The following SSH2 variants were observed in gnomAD, a reference collection of about 807,000 sequenced individuals.
SSH2 encodes the protein slingshot protein phosphatase 2.
A neutral mutation model predicts 135.2 loss-of-function variants in SSH2; 37 were observed. The ratio of observed to expected loss-of-function variants is 0.27; its 90% confidence interval spans 0.21 to 0.36. The LOEUF (loss-of-function observed/expected upper bound fraction) is 0.36, where lower values mean the gene tolerates loss of function less well. Ranked by LOEUF, SSH2 falls within the 10% of genes least tolerant of loss-of-function variation. SSH2 has a pLI of 1.00. For missense variants in SSH2, 1,408 were observed against 1,765.3 expected (o/e 0.80, Z 3.63); for synonymous variants, 628 against 646.2 (o/e 0.97, Z 0.43).
In SSH2 at chr17:29,815,123, A is replaced by ATTT. The variant is rs71360722; in HGVS notation, c.145-21189_145-21187dup. On this transcript the variant is annotated intron_variant, in intron 2 of 15. Transcript: ENST00000540801. ...ACCATCACACCTAGCTATTTTTTGT[A>ATTT]TTTTTTTTTTTTTTTTTTTTGAGAC... Among the ~76,000 whole-genome samples the ATTT allele has an allele frequency of 1.8e-3, 172 of 97,992 alleles. 2 individuals carry two copies. The highest frequency in any genetic ancestry group is 6.6e-3 in the African/African-American group (165 of 24,850). The allele number at this position is 97,992 out of a possible 152,430, so 64.3% of individuals were successfully genotyped here. A position where few individuals can be genotyped will look rare whatever the true frequency, so the allele number is the denominator to read the frequency against.
chr17:29,773,386 AT>A (rs1686599211), intron 3 of SSH2, among the ~76,000 whole-genome samples: 1 of 152,162 alleles, frequency 6.6e-6, no homozygotes, highest in African/African-American at 2.4e-5. Flanking sequence ...GTTTAATTAC[AT>A]TTTTTAAAAC....
intron 14 of SSH2, among the ~76,000 whole-genome samples, chr17:29,646,002 A>C (rs922312283): frequency 6.6e-6 from 1 of 152,126 alleles, no homozygotes; most frequent in Admixed American, 6.5e-5. Flanking sequence ...AAATCATAAG[A>C]CTCACTGGAG....
At chr17:29,873,423 G>A (rs985419437) in intron 1 of SSH2, among the ~76,000 whole-genome samples, 7 of 152,104 alleles carry the variant, frequency 4.6e-5, no homozygotes, top group Non-Finnish European at 8.8e-5. Flanking sequence ...GCCGGGCATG[G>A]TGGTGCACGC....
intron 3 of SSH2, among the ~76,000 whole-genome samples, chr17:29,704,980 T>C (rs1440553081): frequency 6.6e-6 from 1 of 152,172 alleles, no homozygotes; most frequent in African/African-American, 2.4e-5. Context: ...GTATTTCCAC[T>C]TGGAAATCTT....
intron 5 of SSH2, among the ~76,000 whole-genome samples, chr17:29,690,968 T>C (rs1361564768): frequency 1.3e-5 from 2 of 151,732 alleles, no homozygotes; most frequent in Non-Finnish European, 2.9e-5. Context: ...ACACACTCTC[T>C]CTCTCATATA....
chr17:29,831,938 T>C (rs1316165284), intron 2 of SSH2, among the ~76,000 whole-genome samples: 2 of 152,194 alleles, frequency 1.3e-5, no homozygotes, highest in East Asian at 3.8e-4. Flanking sequence ...TATTTATTTA[T>C]ATATAGTTTT....
chr17:29,702,373 G>C (rs1307173465), intron 4 of SSH2, among the ~76,000 whole-genome samples: 1 of 151,358 alleles, frequency 6.6e-6, no homozygotes, highest in Non-Finnish European at 1.5e-5. Flanking sequence ...AAACAACCCT[G>C]GCCGGGCGTG....
intron 1 of SSH2, among the ~76,000 whole-genome samples, chr17:29,928,937 AG>A (rs2067121926): frequency 6.6e-6 from 1 of 152,172 alleles, no homozygotes; most frequent in Admixed American, 6.5e-5. Context: ...TGGTTTTCCC[AG>A]TTGCTCGCAT....
intron 3 of SSH2, among the ~76,000 whole-genome samples, chr17:29,715,323 G>C (rs562310012): frequency 1.3e-5 from 2 of 151,098 alleles, no homozygotes; most frequent in Admixed American, 6.6e-5. Context: ...TTGGCTCACT[G>C]CAAGCTCCGC....
intron 2 of SSH2, among the ~76,000 whole-genome samples, chr17:29,836,770 A>G (rs2079505732): frequency 6.6e-6 from 1 of 152,230 alleles, no homozygotes; most frequent in African/African-American, 2.4e-5. Context: ...TTGAGATTAC[A>G]GAAAATATAC....
chr17:29,670,471 C>T (rs1445607963), intron 9 of SSH2, among the ~76,000 whole-genome samples: 2 of 152,180 alleles, frequency 1.3e-5, no homozygotes, highest in Non-Finnish European at 2.9e-5. Context: ...TCCTTTCATA[C>T]AATTTTTGGA....
chr17:29,759,960 A>C (rs1363462140), intron 3 of SSH2, among the ~76,000 whole-genome samples: 1 of 152,212 alleles, frequency 6.6e-6, no homozygotes, highest in Non-Finnish European at 1.5e-5. Context: ...GGAAAATGCA[A>C]GTCAGTTTAT....
At chr17:29,813,107 G>T (rs574448651) in intron 2 of SSH2, among the ~76,000 whole-genome samples, 1 of 152,324 alleles carries the variant, frequency 6.6e-6, no homozygotes, top group South Asian at 2.1e-4. Flanking sequence ...TGGGGGCAGG[G>T]CACGGTGGCT....
At chr17:29,904,314 G>A (rs2151463883) in intron 1 of SSH2, among the ~76,000 whole-genome samples, 1 of 152,258 alleles carries the variant, frequency 6.6e-6, no homozygotes, top group East Asian at 1.9e-4. Flanking sequence ...CGATCAAGCT[G>A]GCCTCATCCC....
chr17:29,862,370 T>G (rs2065779732), intron 1 of SSH2, among the ~76,000 whole-genome samples: 1 of 152,242 alleles, frequency 6.6e-6, no homozygotes, highest in South Asian at 2.1e-4. Flanking sequence ...TCAATAAATG[T>G]TCAATGAATC....
chr17:29,787,473 T>C (rs925756867), intron 3 of SSH2: 1 of 152,190 alleles, frequency 6.6e-6, no homozygotes, highest in Non-Finnish European at 1.5e-5. Flanking sequence ...CTTTCAATTC[T>C]TTTAGGTATC....
At chr17:29,765,735 A>G (rs1048780905) in intron 3 of SSH2, among the ~76,000 whole-genome samples, 2 of 152,148 alleles carry the variant, frequency 1.3e-5, no homozygotes, top group African/African-American at 4.8e-5. Flanking sequence ...TACAGGGACA[A>G]AAGGCTGGGC....
At chr17:29,826,174 G>A (rs1222459012) in intron 2 of SSH2, among the ~76,000 whole-genome samples, 1 of 152,138 alleles carries the variant, frequency 6.6e-6, no homozygotes, top group African/African-American at 2.4e-5. Flanking sequence ...TATGTTACAT[G>A]TCCATCCTAG....
intron 15 of SSH2, among the ~76,000 whole-genome samples, chr17:29,634,943 T>A (rs1039407257): frequency 6.6e-6 from 1 of 151,284 alleles, no homozygotes; most frequent in Non-Finnish European, 1.5e-5. Context: ...CACTCTGTCA[T>A]CCAAGCTGGA....
Sources: allele counts gnomAD v4.1 joint callset (sites outside exome capture counted in the v4.1 genomes callset), GRCh38; gene constraint gnomAD v4.1.1; transcripts MANE v1.5; gene names NCBI Gene and HGNC (gene_info 2026-07-23, HGNC 2026-07-21).